C12orf42: variants seen among roughly 807,000 people sequenced by gnomAD.
The protein encoded by C12orf42 is uncharacterized protein C12orf42.
A neutral mutation model predicts 21.6 loss-of-function variants in C12orf42; 25 were observed. That is an observed-to-expected ratio of 1.16 (90% confidence interval 0.84 to 1.62). The LOEUF (loss-of-function observed/expected upper bound fraction) is 1.62. C12orf42 is among the 40% of genes most tolerant of loss of function. The pLI is 0.00. For synonymous variants in C12orf42, 174 were observed against 175.0 expected (o/e 0.99, Z 0.05); for missense variants, 483 against 459.3 (o/e 1.05, Z -0.47).
At chr12:103,368,274 CTCTCTCTT>C (rs1289440175) in intron 4 of C12orf42, among the ~76,000 whole-genome samples, 1 of 150,246 alleles carries the variant, frequency 6.7e-6, no homozygotes, top group African/African-American at 2.5e-5. Context: ...TTCTACTATT[CTCTCTCTT>C]TATCTGCCTT....
chr12:103,229,732 T>C, the C12orf42 span, among the ~76,000 whole-genome samples: 2 of 152,234 alleles, frequency 1.3e-5, no homozygotes, highest in African/African-American at 4.8e-5. Context: ...AATTGAATAA[T>C]TCTATATCTC....
chr12:103,073,551 G>C, the C12orf42 span, among the ~76,000 whole-genome samples: 13 of 151,908 alleles, frequency 8.6e-5, no homozygotes, highest in Admixed American at 8.5e-4. Context: ...AAAGGCAAAT[G>C]TGTTTTTTTC....
the C12orf42 span, among the ~76,000 whole-genome samples, chr12:103,177,841 G>A: frequency 6.9e-6 from 1 of 144,220 alleles, no homozygotes; most frequent in African/African-American, 2.5e-5. Context: ...TTTGTTTAAT[G>A]GCCGTGTGTG....
chr12:103,429,626 T>C (rs902442327), intron 2 of C12orf42, among the ~76,000 whole-genome samples: 1 of 152,092 alleles, frequency 6.6e-6, no homozygotes. Context: ...CTACTTTAAA[T>C]TTTATATGGA....
intron 3 of C12orf42, among the ~76,000 whole-genome samples, chr12:103,375,541 C>T (rs573991420): frequency 9.5e-4 from 145 of 152,200 alleles, no homozygotes; most frequent in African/African-American, 2.9e-3. Context: ...CCCCAAAAAA[C>T]GGCTTATGAT....
intron 4 of C12orf42, among the ~76,000 whole-genome samples, chr12:103,330,613 C>T (rs965030163): frequency 1.6e-4 from 24 of 152,104 alleles, no homozygotes; most frequent in East Asian, 1.5e-3. Context: ...GCCATTTGTC[C>T]GCTATCACAA....
intron 4 of C12orf42, among the ~76,000 whole-genome samples, chr12:103,348,413 C>T (rs564432000): frequency 9.2e-5 from 14 of 152,206 alleles, no homozygotes; most frequent in Middle Eastern, 3.4e-3. Context: ...CCTATACTTA[C>T]CAACTAAAGA....
the C12orf42 span, among the ~76,000 whole-genome samples, chr12:103,183,172 C>T: frequency 3.3e-5 from 5 of 152,244 alleles, no homozygotes; most frequent in African/African-American, 7.2e-5. Flanking sequence ...ACCTCTGCCA[C>T]CCAGGTTCAA....
chr12:103,460,538 G>A (rs113019779), intron 2 of C12orf42, among the ~76,000 whole-genome samples: 2,793 of 152,224 alleles, frequency 0.018, 60 homozygotes, highest in African/African-American at 0.047. Flanking sequence ...TCTTGGACTC[G>A]CTCTCCAGTA....
intron 5 of C12orf42, among the ~76,000 whole-genome samples, chr12:103,275,380 G>T (rs2136281786): frequency 6.6e-6 from 1 of 152,010 alleles, no homozygotes; most frequent in East Asian, 1.9e-4. Flanking sequence ...AATGTAAAAA[G>T]CCAATATTGA....
intron 10 of C12orf42, among the ~76,000 whole-genome samples, chr12:103,262,852 A>G (rs925601489): frequency 2.0e-5 from 3 of 152,204 alleles, no homozygotes; most frequent in Non-Finnish European, 4.4e-5. Flanking sequence ...ACACATGCAC[A>G]CGTATGTTTA....
At chr12:103,505,435 G>C in the C12orf42 span, 1 of 368,314 alleles carries the variant, frequency 2.7e-6, no homozygotes, top group Non-Finnish European at 5.1e-6. Context: ...CTGAGAAGTA[G>C]TTTCAGTCAC....
intron 2 of C12orf42, among the ~76,000 whole-genome samples, chr12:103,461,971 G>T (rs890034001): frequency 6.6e-5 from 10 of 151,868 alleles, no homozygotes; most frequent in African/African-American, 2.4e-4. Context: ...GGACTCTTTG[G>T]CACATCTACT....
the C12orf42 span, among the ~76,000 whole-genome samples, chr12:103,155,848 CATAT>C: frequency 1.3e-5 from 2 of 150,040 alleles, no homozygotes; most frequent in African/African-American, 4.9e-5. Context: ...TACATATATA[CATAT>C]ATGAGTGTAT....
chr12:103,200,536 A>T, the C12orf42 span, among the ~76,000 whole-genome samples: 2 of 152,354 alleles, frequency 1.3e-5, no homozygotes, highest in East Asian at 3.9e-4. Flanking sequence ...GAGGTGATGG[A>T]TAGTTTAATG....
the C12orf42 span, chr12:103,503,798 A>C: frequency 6.5e-6 from 1 of 152,984 alleles, no homozygotes; most frequent in African/African-American, 2.4e-5. Context: ...GGGGAGGAGC[A>C]TATTGCAGCT....
the C12orf42 span, among the ~76,000 whole-genome samples, chr12:103,103,745 TATAA>T: frequency 2.0e-5 from 3 of 152,052 alleles, no homozygotes; most frequent in African/African-American, 7.2e-5. Flanking sequence ...AATCTATAGT[TATAA>T]ATATTCAACA....
At chr12:103,227,380 G>T in the C12orf42 span, among the ~76,000 whole-genome samples, 1 of 151,926 alleles carries the variant, frequency 6.6e-6, no homozygotes, top group Non-Finnish European at 1.5e-5. Context: ...ATAAGGGATT[G>T]GGGTGCAGAG....
At chr12:103,089,027 G>A in the C12orf42 span, among the ~76,000 whole-genome samples, 1 of 149,696 alleles carries the variant, frequency 6.7e-6, no homozygotes, top group South Asian at 2.1e-4. Context: ...GCGTGAACCC[G>A]GGAGGCGGAG....
Sources: allele counts gnomAD v4.1 joint callset (sites outside exome capture counted in the v4.1 genomes callset), GRCh38; gene constraint gnomAD v4.1.1; transcripts MANE v1.5; gene names NCBI Gene and HGNC (gene_info 2026-07-23, HGNC 2026-07-21).